The following EDIL3 variants were observed in gnomAD, a reference collection of about 807,000 sequenced individuals.
EDIL3 encodes EGF-like repeat and discoidin I-like domain-containing protein 3.
Under a neutral mutation model 67.4 loss-of-function variants are expected in EDIL3, and 37 were observed. The ratio of observed to expected loss-of-function variants is 0.55; its 90% CI spans 0.42 to 0.72. The LOEUF (loss-of-function observed/expected upper bound fraction) is 0.72. Among genes scored for constraint, EDIL3 ranks in the 30% least tolerant of loss-of-function variants. The pLI, the probability that EDIL3 is intolerant of heterozygous loss-of-function variation, is 0.00. For synonymous variants in EDIL3, 195 were observed against 196.3 expected (o/e 0.99, Z 0.05); for missense variants, 527 against 586.3 (o/e 0.90, Z 1.04).
intron 1 of EDIL3, among the ~76,000 whole-genome samples, chr5:84,372,596 T>A (rs1747877035): frequency 6.6e-6 from 1 of 152,128 alleles, no homozygotes; most frequent in South Asian, 2.1e-4. Flanking sequence ...CCCAGCTGTG[T>A]TTTAAATTTA....
At chr5:84,094,221 A>C (rs1433641693) in intron 6 of EDIL3, among the ~76,000 whole-genome samples, 1 of 152,196 alleles carries the variant, frequency 6.6e-6, no homozygotes, top group African/African-American at 2.4e-5. Flanking sequence ...AAAACACACA[A>C]CTATGTATGA....
chr5:84,350,622 T>C (rs1367473998), intron 1 of EDIL3, among the ~76,000 whole-genome samples: 1 of 152,122 alleles, frequency 6.6e-6, no homozygotes, highest in Admixed American at 6.6e-5. Flanking sequence ...CATTCTATTA[T>C]CTAGCTTTTT....
At position 84,017,747 on chromosome 5, in the gene EDIL3, C is replaced by T. The variant is rs1745633391; in HGVS notation, c.1137+42553G>A. On this transcript the variant is annotated intron_variant, in intron 9 of 10. Coordinates refer to ENST00000296591, the MANE Select transcript of EDIL3 (RefSeq NM_005711.5). ...ACAAATATTACAAAGTGAATTCATT[C>T]TGTTGTTTTCTTTTTCAATGATTAC... Among the ~76,000 whole-genome samples, 4 of 152,144 alleles carry T rather than the reference C, an allele frequency of 2.6e-5. No individual in the cohort carries two copies. In the South Asian group the frequency reaches 6.2e-4, roughly 24 times the overall value.
At chr5:84,106,485 T>C (rs568291412) in intron 6 of EDIL3, among the ~76,000 whole-genome samples, 164 bp downstream of exon 6, 3 of 152,252 alleles carry the variant, frequency 2.0e-5, no homozygotes, top group Non-Finnish European at 4.4e-5. Context: ...TGCATGTTTT[T>C]TACTTCTCAG....
chr5:84,007,745 T>C (rs2112176717), intron 9 of EDIL3, among the ~76,000 whole-genome samples: 1 of 152,210 alleles, frequency 6.6e-6, no homozygotes, highest in Admixed American at 6.5e-5. Flanking sequence ...AAAATAGAAC[T>C]ACCATATGAT....
At chr5:84,089,341 C>T (rs555075729) in intron 6 of EDIL3, among the ~76,000 whole-genome samples, 7 of 152,218 alleles carry the variant, frequency 4.6e-5, no homozygotes, top group Admixed American at 1.3e-4. Context: ...CCGATGAACT[C>T]CTTTTCTTGA....
intron 2 of EDIL3, among the ~76,000 whole-genome samples, chr5:84,236,785 CTT>C (rs529883790): frequency 1.4e-5 from 2 of 143,154 alleles, no homozygotes. Context: ...TGTTTTTACC[CTT>C]TTTTTTTTTA....
chr5:84,355,343 A>T (rs2112194444), intron 1 of EDIL3, among the ~76,000 whole-genome samples: 1 of 152,008 alleles, frequency 6.6e-6, no homozygotes, highest in Non-Finnish European at 1.5e-5. Flanking sequence ...CAGGTCATTT[A>T]TGTTCTTCTC....
intron 6 of EDIL3, among the ~76,000 whole-genome samples, chr5:84,067,303 T>C (rs2112242280): frequency 6.6e-6 from 1 of 152,260 alleles, no homozygotes; most frequent in East Asian, 1.9e-4. Flanking sequence ...GTAACATACA[T>C]CAAATAAAAT....
chr5:84,015,351 G>C (rs1408785580), intron 9 of EDIL3, among the ~76,000 whole-genome samples: 3 of 152,212 alleles, frequency 2.0e-5, no homozygotes, highest in African/African-American at 7.2e-5. Context: ...AGTTAGAAAT[G>C]AAATGCTGCT....
At chr5:84,292,147 TG>T (rs942678326) in intron 1 of EDIL3, among the ~76,000 whole-genome samples, 1 of 152,248 alleles carries the variant, frequency 6.6e-6, no homozygotes, top group African/African-American at 2.4e-5. Context: ...TTGTTTGTTT[TG>T]TTTTTTTAGC....
In EDIL3 at chr5:84,041,508, C is replaced by G. The variant is rs753965431; in HGVS notation, c.1137+18792G>C. Among the ~76,000 whole-genome samples, 15 of 149,644 alleles carry G rather than the reference C, an allele frequency of 1.0e-4. 1 individual carries two copies. The highest frequency in any genetic ancestry group is 2.1e-4 in the Non-Finnish European group (14 of 67,676). ...TTAGAATTTTCCCTATTTCTCATTA[C>G]AGAGCTTTAAGACAGCTTGTAGAAA... On this transcript the variant is annotated intron_variant, in intron 9 of 10. Coordinates refer to ENST00000296591, the MANE Select transcript of EDIL3 (RefSeq NM_005711.5).
chr5:84,113,498 A>C (rs1747609377), intron 5 of EDIL3, among the ~76,000 whole-genome samples: 1 of 152,168 alleles, frequency 6.6e-6, no homozygotes, highest in South Asian at 2.1e-4. Flanking sequence ...CCAAACTTCA[A>C]GTGCCTCCCC....
intron 9 of EDIL3, among the ~76,000 whole-genome samples, chr5:84,041,004 G>A (rs1279695774): frequency 6.6e-6 from 1 of 152,008 alleles, no homozygotes; most frequent in Non-Finnish European, 1.5e-5. Context: ...GGTGGTGTGT[G>A]CCTGTGGCCC....
At chr5:84,141,575 GAAGA>G (rs1324171168) in intron 4 of EDIL3, among the ~76,000 whole-genome samples, 1 of 148,076 alleles carries the variant, frequency 6.8e-6, no homozygotes, top group Non-Finnish European at 1.5e-5. Context: ...GAAGAAAGAA[GAAGA>G]AAGAAGGAGA....
At chr5:84,193,729 GTA>G (rs972433275) in intron 3 of EDIL3, among the ~76,000 whole-genome samples, 2 of 151,870 alleles carry the variant, frequency 1.3e-5, no homozygotes, top group Non-Finnish European at 2.9e-5. Context: ...CTGCTTTGTG[GTA>G]TTAATGAACA....
chr5:84,188,980 TG>T (rs1228210716), intron 3 of EDIL3, among the ~76,000 whole-genome samples: 1 of 152,058 alleles, frequency 6.6e-6, no homozygotes, highest in Non-Finnish European at 1.5e-5. Context: ...ATACCTGAAT[TG>T]GGGGTAGGGA....
At chr5:84,006,720 T>C (rs1745423873) in intron 9 of EDIL3, among the ~76,000 whole-genome samples, 1 of 152,162 alleles carries the variant, frequency 6.6e-6, no homozygotes, top group Admixed American at 6.6e-5. Flanking sequence ...CACCTGAACC[T>C]AAAATAAAAG....
intron 1 of EDIL3, among the ~76,000 whole-genome samples, chr5:84,257,481 G>C (rs1410312291): frequency 6.6e-6 from 1 of 152,048 alleles, no homozygotes; most frequent in Non-Finnish European, 1.5e-5. Flanking sequence ...TTGAAAGGGA[G>C]AAAACAGGTA....
Sources: gnomAD v4.1 joint callset for allele counts (sites outside exome capture counted in the v4.1 genomes callset) on GRCh38, gnomAD v4.1.1 for gene constraint, MANE v1.5 for transcripts, NCBI Gene and HGNC (gene_info 2026-07-23, HGNC 2026-07-21) for gene names.